The following TTL variants were observed in gnomAD, a reference collection of about 807,000 sequenced individuals.
TTL encodes the protein tubulin tyrosine ligase, also known as tubulin--tyrosine ligase.
Under a neutral mutation model 41.1 loss-of-function variants are expected in TTL, and 10 were observed. That is an observed-to-expected ratio of 0.24 (90% CI 0.15 to 0.41). The LOEUF (loss-of-function observed/expected upper bound fraction) is 0.41. Ranked by LOEUF, TTL falls within the 10% of genes least tolerant of loss-of-function variation. TTL has a pLI of 1.00. For missense variants in TTL, 367 were observed against 460.4 expected (o/e 0.80, Z 1.86); for synonymous variants, 175 against 175.5 (o/e 1.00, Z 0.02).
chr2:112,513,647 A>G (rs1232070644), intron 5 of TTL, among the ~76,000 whole-genome samples: 1 of 149,824 alleles, frequency 6.7e-6, no homozygotes, highest in Non-Finnish European at 1.5e-5. Flanking sequence ...ATATTTATAC[A>G]AGTATAAATA....
In TTL at chr2:112,529,551, A is replaced by G. The variant is rs745788834; in HGVS notation, c.*756A>G. 8.7e-6 allele frequency: 2 copies of G among 228,890 alleles called. No homozygotes were observed. Among genetic ancestry groups the G allele is most frequent in the Non-Finnish European group, 1.7e-5 (2 of 115,232 alleles). The allele number at this position is 228,890 out of a possible 1,614,324, so 14.2% of individuals were successfully genotyped here. A position where few individuals can be genotyped will look rare whatever the true frequency, so the allele number is the denominator to read the frequency against. On this transcript the variant is annotated 3_prime_UTR_variant, in exon 7 of 7. Coordinates refer to ENST00000233336, the MANE Select transcript of TTL (RefSeq NM_153712.5). The stretch of plus-strand genomic sequence containing the variant: ...ATGGTAGGTCTTTGAAAATATGATG[A>G]TTCAATTTTCTCAATTTTCTTTGCT...
chr2:112,524,581 A>T (rs1261942947), intron 6 of TTL, among the ~76,000 whole-genome samples: 1 of 152,200 alleles, frequency 6.6e-6, no homozygotes, highest in East Asian at 1.9e-4. Context: ...TTGGCTGCAT[A>T]AATGTCTTCT....
chr2:112,521,079 G>A, intron 6 of TTL: 1 of 661,208 alleles, frequency 1.5e-6, no homozygotes, highest in Non-Finnish European at 1.9e-6. Flanking sequence ...GCAGGAAGGA[G>A]TCAGAGAAGG....
chr2:112,495,175 T>C (rs1404421587), intron 3 of TTL, among the ~76,000 whole-genome samples: 1 of 152,216 alleles, frequency 6.6e-6, no homozygotes, highest in Non-Finnish European at 1.5e-5. Flanking sequence ...AGAATGTGCT[T>C]ACATGGATTG....
At chr2:112,483,251 C>T (rs1681144380) in intron 1 of TTL, 2 of 152,290 alleles carry the variant, frequency 1.3e-5, no homozygotes, top group Admixed American at 1.3e-4. Context: ...TGGGCACCAC[C>T]ATACCCACAT....
intron 1 of TTL, chr2:112,483,204 C>G (rs970724227): frequency 3.9e-5 from 6 of 152,312 alleles, no homozygotes; most frequent in Non-Finnish European, 8.8e-5. Flanking sequence ...CTGCTCTCCC[C>G]GAGGGAATTA....
At chr2:112,510,151 A>G (rs1681886743) in intron 5 of TTL, among the ~76,000 whole-genome samples, 2 of 152,034 alleles carry the variant, frequency 1.3e-5, no homozygotes, top group Admixed American at 1.3e-4. Context: ...GTTTTTTAAG[A>G]GATGGTGTCT....
chr2:112,502,281 C>T lies in TTL; in HGVS notation c.606-631C>T, dbSNP rs144394028. 6.6e-5 allele frequency among the ~76,000 whole-genome samples: 10 copies of T among 152,308 alleles called. 1 individual carries two copies. Among genetic ancestry groups the T allele is most frequent in the African/African-American group, 1.7e-4 (7 of 41,564 alleles). On this transcript the variant is annotated intron_variant, in intron 4 of 6. Coordinates refer to ENST00000233336, the MANE Select transcript of TTL (RefSeq NM_153712.5). The stretch of plus-strand genomic sequence containing the variant: ...TCAGATCATCTTCAGGAGGAACACT[C>T]TTTAAGATTACTCAAAGAGGAGACA...
chr2:112,518,404 A>G (rs1222044938), intron 5 of TTL, among the ~76,000 whole-genome samples: 1 of 151,836 alleles, frequency 6.6e-6, no homozygotes, highest in Non-Finnish European at 1.5e-5. Context: ...TTTTTATTAT[A>G]ATTAGTTTTT....
At position 112,503,026 on chromosome 2, in the gene TTL, G is replaced by A. The variant is rs1681743404; in HGVS notation, c.720G>A (p.Leu240=). ...ATTTCCAAGACAAAACCTGCCATTT[G>A]ACCAATCACTGCATTCAAAAAGAGT... ...VDNFQDKTCH[L]TNHCIQKEYS... The change falls in exon 5 of 7, where the codon TTG becomes TTA. Residue 240 remains leucine (L), a synonymous_variant. Transcript: ENST00000233336. 1 of 1,614,032 alleles carries A rather than the reference G, an allele frequency of 6.2e-7. No individual in the cohort carries two copies. Among genetic ancestry groups the A allele is most frequent in the East Asian group, 2.2e-5 (1 of 44,872 alleles).
intron 2 of TTL, among the ~76,000 whole-genome samples, chr2:112,493,047 AAATT>A (rs1338569996): frequency 2.6e-5 from 4 of 152,212 alleles, no homozygotes. Flanking sequence ...AGTGAGTTAA[AAATT>A]TATTTATTTT....
intron 6 of TTL, among the ~76,000 whole-genome samples, chr2:112,525,412 C>G: frequency 6.6e-6 from 1 of 152,170 alleles, no homozygotes. Flanking sequence ...ATTGATTCTT[C>G]CTATCCATGA....
intron 2 of TTL, 137 bp from the exon 3 acceptor site, chr2:112,494,006 A>G (rs1157981408): frequency 9.0e-6 from 6 of 664,406 alleles, no homozygotes; most frequent in Non-Finnish European, 1.0e-5. Context: ...CAGGGAGACT[A>G]AGAGCAAATA....
intron 6 of TTL, among the ~76,000 whole-genome samples, chr2:112,523,337 G>GGTGTGTGTGTGTGTGT (rs1298723408): frequency 1.1e-5 from 1 of 93,456 alleles, no homozygotes; most frequent in African/African-American, 4.3e-5. Context: ...ACTGTCTGTG[G>GGTGTGTGTGTGTGTGT]GTGTGTGTGT....
intron 1 of TTL, among the ~76,000 whole-genome samples, chr2:112,484,894 T>C (rs1442962178): frequency 6.6e-6 from 1 of 152,258 alleles, no homozygotes; most frequent in Non-Finnish European, 1.5e-5. Context: ...GGTCTTACTT[T>C]GATTTTGTTA....
intron 5 of TTL, among the ~76,000 whole-genome samples, chr2:112,503,754 T>A (rs1407732152): frequency 6.7e-6 from 1 of 149,336 alleles, no homozygotes; most frequent in African/African-American, 2.4e-5. Context: ...TTCAACACGT[T>A]GATGAAAAGT....
At chr2:112,519,039 C>A (rs1347216897) in intron 5 of TTL, among the ~76,000 whole-genome samples, 1 of 152,104 alleles carries the variant, frequency 6.6e-6, no homozygotes, top group Admixed American at 6.6e-5. Flanking sequence ...TCTGGTACAC[C>A]AGAGTCATTG....
rs1179651704 is a variant in TTL, at chr2:112,530,366, C to G, written c.*1571C>G. The G allele has an allele frequency of 4.3e-6, 1 of 231,646 alleles. No individual in the cohort carries two copies. The highest frequency in any genetic ancestry group is 2.2e-5 in the African/African-American group (1 of 45,242). The allele number at this position is 231,646 out of a possible 1,614,324, so 14.3% of individuals were successfully genotyped here. ...GGAGAAGGTCCCAGGTGAATTGGCT[C>G]TCATGGAAATTTGGAATTACAAAAT... On this transcript the variant is annotated 3_prime_UTR_variant, in exon 7 of 7. Coordinates refer to ENST00000233336, the MANE Select transcript of TTL (RefSeq NM_153712.5).
chr2:112,517,519 G>C (rs2104470660), intron 5 of TTL, among the ~76,000 whole-genome samples: 1 of 151,542 alleles, frequency 6.6e-6, no homozygotes, highest in South Asian at 2.1e-4. Context: ...AAAGTGCTGG[G>C]ATTACGGGCA....
Sources: allele counts gnomAD v4.1 joint callset (sites outside exome capture counted in the v4.1 genomes callset), GRCh38; gene constraint gnomAD v4.1.1; transcripts MANE v1.5; gene names NCBI Gene and HGNC (gene_info 2026-07-23, HGNC 2026-07-21).